The following FGF14 variants were observed in gnomAD, a reference collection of about 807,000 sequenced individuals.
FGF14 encodes the protein fibroblast growth factor 14, also known as fibroblast growth factor homologous factor 4.
FGF14 carries 5 observed loss-of-function variants against 25.5 expected under a neutral mutation model. The observed-to-expected ratio is 0.20, with a 90% CI of 0.10 to 0.41. The LOEUF (loss-of-function observed/expected upper bound fraction) is 0.41. Ranked by LOEUF, FGF14 falls within the 10% of genes least tolerant of loss-of-function variation. The pLI is 1.00. For synonymous variants in FGF14, 138 were observed against 118.3 expected (o/e 1.17, Z -1.08); for missense variants, 222 against 320.1 (o/e 0.69, Z 2.34).
rs562581097 is a variant in FGF14, at chr13:101,753,798, C to G, written c.409-26988G>C. Among the ~76,000 whole-genome samples, 4 of 145,788 alleles carry G rather than the reference C, an allele frequency of 2.7e-5. No homozygotes were observed. In the East Asian group the frequency reaches 6.0e-4, roughly 22 times the overall value. On this transcript the variant is annotated intron_variant, in intron 3 of 4. Coordinates refer to ENST00000376143, the MANE Select transcript of FGF14 (RefSeq NM_004115.4). Reference sequence around the variant, plus strand: ...AGCCTGGGCAACAAGAGCAAAACTCCGTCTCAAAAAAAAAAAAAAAATTTC... The same window carrying G: ...AGCCTGGGCAACAAGAGCAAAACTCGGTCTCAAAAAAAAAAAAAAAATTTC...
chr13:101,966,662 T>C (rs1255786879), intron 1 of FGF14, among the ~76,000 whole-genome samples: 1 of 152,058 alleles, frequency 6.6e-6, no homozygotes, highest in Non-Finnish European at 1.5e-5. Context: ...TTTGTATTTT[T>C]AGTAGAGATG....
chr13:101,795,366 A>G (rs1253571211), intron 3 of FGF14, among the ~76,000 whole-genome samples: 1 of 152,118 alleles, frequency 6.6e-6, no homozygotes, highest in African/African-American at 2.4e-5. Flanking sequence ...AAAGAAAAGA[A>G]AAGGGAAACT....
intron 1 of FGF14, among the ~76,000 whole-genome samples, chr13:102,260,938 T>C (rs1306630213): frequency 6.6e-6 from 1 of 152,140 alleles, no homozygotes; most frequent in African/African-American, 2.4e-5. Context: ...GTACTCCCAT[T>C]GTGCCCGCTA....
chr13:102,332,676 G>T (rs866848734), intron 1 of FGF14, among the ~76,000 whole-genome samples: 2 of 151,996 alleles, frequency 1.3e-5, no homozygotes, highest in African/African-American at 4.8e-5. Flanking sequence ...CAGCAGACCT[G>T]TCTCCTCTCA....
At chr13:101,948,703 T>A (rs2035971921) in intron 1 of FGF14, among the ~76,000 whole-genome samples, 2 of 151,848 alleles carry the variant, frequency 1.3e-5, no homozygotes, top group African/African-American at 4.8e-5. Flanking sequence ...GAGTGGTAAA[T>A]AAAAAGGTTT....
chr13:101,740,173 A>C (rs1319566112), intron 3 of FGF14, among the ~76,000 whole-genome samples: 1 of 152,214 alleles, frequency 6.6e-6, no homozygotes, highest in Admixed American at 6.5e-5. Context: ...TTGAGGCAGT[A>C]GCTTGCCGAT....
At chr13:101,777,498 T>A (rs1024260955) in intron 3 of FGF14, among the ~76,000 whole-genome samples, 20 of 152,144 alleles carry the variant, frequency 1.3e-4, no homozygotes, top group Non-Finnish European at 1.6e-4. Context: ...TAACTGACAC[T>A]GTTTGCCTGC....
At chr13:102,265,343 A>T (rs1276619200) in intron 1 of FGF14, among the ~76,000 whole-genome samples, 5 of 152,078 alleles carry the variant, frequency 3.3e-5, no homozygotes, top group Non-Finnish European at 7.4e-5. Flanking sequence ...ACATGGCGGG[A>T]GGTGAGGATA....
At chr13:102,117,227 C>CT (rs1298390573) in intron 1 of FGF14, among the ~76,000 whole-genome samples, 3 of 152,188 alleles carry the variant, frequency 2.0e-5, no homozygotes, top group Non-Finnish European at 2.9e-5. Context: ...CTGTATTTGG[C>CT]TTTTCCAAAT....
At chr13:102,385,191 A>AT (rs1172238756) in intron 1 of FGF14, among the ~76,000 whole-genome samples, 2 of 152,116 alleles carry the variant, frequency 1.3e-5, no homozygotes, top group African/African-American at 4.8e-5. Flanking sequence ...CTGACTACAT[A>AT]TTTTTTCTTT....
At chr13:101,955,289 G>A (rs182348577) in intron 1 of FGF14, among the ~76,000 whole-genome samples, 11 of 152,260 alleles carry the variant, frequency 7.2e-5, no homozygotes, top group South Asian at 2.1e-4. Context: ...CCTTTAAATC[G>A]TTCTACACTG....
intron 1 of FGF14, among the ~76,000 whole-genome samples, chr13:101,884,062 C>CAAAAAA (rs11315735): frequency 2.0e-3 from 76 of 37,814 alleles, no homozygotes; most frequent in South Asian, 3.8e-3. Context: ...GACTCCATCT[C>CAAAAAA]AAAAAAAAAA....
intron 1 of FGF14, among the ~76,000 whole-genome samples, chr13:102,165,301 C>A (rs1364467742): frequency 6.6e-6 from 1 of 151,914 alleles, no homozygotes; most frequent in Non-Finnish European, 1.5e-5. Flanking sequence ...TTGACCCAGC[C>A]ATCCCATTAC....
At chr13:102,299,840 A>G (rs1485247919) in intron 1 of FGF14, 1 of 152,170 alleles carries the variant, frequency 6.6e-6, no homozygotes, top group Non-Finnish European at 1.5e-5. Flanking sequence ...GATTTTTGAG[A>G]ACACATCAAC....
intron 1 of FGF14, among the ~76,000 whole-genome samples, chr13:102,288,656 C>T (rs999712842): frequency 1.3e-5 from 2 of 152,126 alleles, no homozygotes; most frequent in Non-Finnish European, 2.9e-5. Context: ...AAGATCTCAG[C>T]TCACTGCAAC....
chr13:102,287,730 ATAT>A lies in FGF14; in HGVS notation c.208+113738_208+113740del. ...GTGAGAGATAAAATGTATGCAGACA[ATAT>A]TATTCCATTTACTTCCATGCTAAAC... On this transcript the variant is annotated intron_variant, in intron 1 of 4. Transcript: ENST00000376131. Among the ~76,000 whole-genome samples the A allele has an allele frequency of 1.3e-5, 2 of 152,338 alleles. 1 individual carries two copies. The highest frequency in any genetic ancestry group is 4.1e-4 in the South Asian group (2 of 4,826).
At chr13:101,976,105 A>G (rs998450638) in intron 1 of FGF14, among the ~76,000 whole-genome samples, 3 of 134,412 alleles carry the variant, frequency 2.2e-5, no homozygotes, top group African/African-American at 5.9e-5. Flanking sequence ...GAGTTATACA[A>G]TATGTCATTG....
At chr13:102,254,331 G>C (rs1244478762) in intron 1 of FGF14, among the ~76,000 whole-genome samples, 1 of 152,126 alleles carries the variant, frequency 6.6e-6, no homozygotes, top group African/African-American at 2.4e-5. Context: ...AGTCAGCCTG[G>C]GGGATCTACT....
At chr13:102,155,553 GA>G (rs1207980654) in intron 1 of FGF14, among the ~76,000 whole-genome samples, 1 of 151,960 alleles carries the variant, frequency 6.6e-6, no homozygotes, top group Non-Finnish European at 1.5e-5. Flanking sequence ...GCCCACAAGA[GA>G]AAGCAGGAAA....
Sources: gnomAD v4.1 joint callset for allele counts (sites outside exome capture counted in the v4.1 genomes callset) on GRCh38, gnomAD v4.1.1 for gene constraint, MANE v1.5 for transcripts, NCBI Gene and HGNC (gene_info 2026-07-23, HGNC 2026-07-21) for gene names.